PEAK1: variants seen among roughly 807,000 people sequenced by gnomAD.
PEAK1 encodes pseudopodium enriched atypical kinase 1, also known as inactive tyrosine-protein kinase PEAK1.
PEAK1 carries 54 observed loss-of-function variants against 124.7 expected under a neutral mutation model. The observed-to-expected ratio is 0.43, with a 90% CI of 0.35 to 0.54. The LOEUF is 0.54. Ranked by LOEUF, PEAK1 falls within the 20% of genes least tolerant of loss-of-function variation. The probability of loss-of-function intolerance (pLI) is 0.01; values close to 1 mark genes in which losing one functional copy is unlikely to be tolerated. For synonymous variants in PEAK1, 719 were observed against 760.0 expected (o/e 0.95, Z 0.89); for missense variants, 2,046 against 2,134.5 (o/e 0.96, Z 0.82).
At chr15:77,285,706 C>T (rs760683830) in intron 3 of PEAK1, among the ~76,000 whole-genome samples, 1 of 152,036 alleles carries the variant, frequency 6.6e-6, no homozygotes, top group African/African-American at 2.4e-5. Flanking sequence ...CATTTGATAT[C>T]CCCTATGTCA....
At chr15:77,283,492 C>T (rs891267038) in intron 5 of PEAK1, among the ~76,000 whole-genome samples, 2 of 151,942 alleles carry the variant, frequency 1.3e-5, no homozygotes, top group African/African-American at 4.8e-5. Context: ...CTCATACCCA[C>T]ATACTAGTTT....
chr15:77,256,883 C>G (rs537665756), intron 5 of PEAK1, among the ~76,000 whole-genome samples: 19 of 150,978 alleles, frequency 1.3e-4, no homozygotes, highest in African/African-American at 2.7e-4. Flanking sequence ...CACCTCCCCC[C>G]ACCCCACAAC....
chr15:77,264,934 C>A (rs1329188406), intron 5 of PEAK1, among the ~76,000 whole-genome samples: 2 of 152,024 alleles, frequency 1.3e-5, no homozygotes, highest in African/African-American at 2.4e-5. Flanking sequence ...AGAACAGAGC[C>A]CTCAGAAATA....
At chr15:77,212,027 T>C (rs1425852669) in intron 6 of PEAK1, among the ~76,000 whole-genome samples, 2 of 152,188 alleles carry the variant, frequency 1.3e-5, no homozygotes, top group African/African-American at 2.4e-5. Context: ...TCATACATTA[T>C]GTTTTCTTTA....
chr15:77,176,322 C>A (rs1206125907), intron 7 of PEAK1, among the ~76,000 whole-genome samples: 4 of 140,026 alleles, frequency 2.9e-5, no homozygotes, highest in East Asian at 4.2e-4. Flanking sequence ...TTACATTTTT[C>A]AAAAAAAAAA....
At chr15:77,326,830 A>T (rs2065607008) in intron 2 of PEAK1, among the ~76,000 whole-genome samples, 1 of 152,118 alleles carries the variant, frequency 6.6e-6, no homozygotes, top group Non-Finnish European at 1.5e-5. Context: ...ACTGGTGACA[A>T]AGAGCTCGTG....
At chr15:77,232,385 G>A (rs1436412290) in intron 6 of PEAK1, among the ~76,000 whole-genome samples, 1 of 152,004 alleles carries the variant, frequency 6.6e-6, no homozygotes, top group South Asian at 2.1e-4. Flanking sequence ...AATCTCAAAT[G>A]GGGATTTAAC....
intron 2 of PEAK1, among the ~76,000 whole-genome samples, chr15:77,329,992 A>C (rs969090499): frequency 2.6e-5 from 4 of 152,190 alleles, no homozygotes; most frequent in African/African-American, 9.7e-5. Context: ...CACAAGACAG[A>C]AGTGACTACC....
chr15:77,327,019 C>T (rs1274995776), intron 2 of PEAK1, among the ~76,000 whole-genome samples: 1 of 152,130 alleles, frequency 6.6e-6, no homozygotes, highest in African/African-American at 2.4e-5. Flanking sequence ...TTGACTATCA[C>T]TTAAAGCAAG....
At chr15:77,397,441 G>GA (rs1459367151) in intron 1 of PEAK1, among the ~76,000 whole-genome samples, 1 of 149,612 alleles carries the variant, frequency 6.7e-6, no homozygotes, top group African/African-American at 2.5e-5. Flanking sequence ...ATTAGTAGAA[G>GA]AAATAATAAA....
At chr15:77,266,255 T>TA (rs1008020929) in intron 5 of PEAK1, among the ~76,000 whole-genome samples, 9 of 150,194 alleles carry the variant, frequency 6.0e-5, no homozygotes, top group Admixed American at 2.0e-4. Flanking sequence ...AGTATAATAA[T>TA]AAAAAAAAAT....
At chr15:77,352,472 G>A in intron 2 of PEAK1, 1 of 985,330 alleles carries the variant, frequency 1.0e-6, no homozygotes, top group Non-Finnish European at 1.2e-6. Flanking sequence ...CTGTTGAGAG[G>A]AAATGGGGGC....
chr15:77,288,000 C>G (rs1156618163), intron 2 of PEAK1, among the ~76,000 whole-genome samples: 1 of 152,154 alleles, frequency 6.6e-6, no homozygotes. Context: ...ATGACCAAAT[C>G]AGTAACCTAA....
At chr15:77,367,692 CTTAAG>C (rs958506953) in intron 1 of PEAK1, among the ~76,000 whole-genome samples, 5 of 152,004 alleles carry the variant, frequency 3.3e-5, no homozygotes, top group Non-Finnish European at 7.4e-5. Context: ...TTCATTTTTC[CTTAAG>C]TTATGTACTT....
At chr15:77,123,636 T>C (rs759033839) in intron 9 of PEAK1, among the ~76,000 whole-genome samples, 14 of 152,158 alleles carry the variant, frequency 9.2e-5, no homozygotes, top group Admixed American at 2.0e-4. Flanking sequence ...TAGTCTACTA[T>C]GGATTTAGAT....
At chr15:77,150,685 C>A (rs2054543028) in intron 8 of PEAK1, among the ~76,000 whole-genome samples, 1 of 139,842 alleles carries the variant, frequency 7.2e-6, no homozygotes, top group Non-Finnish European at 1.5e-5. Context: ...ACAACATTCC[C>A]CGGAGTGTGA....
intron 5 of PEAK1, among the ~76,000 whole-genome samples, chr15:77,260,781 T>C (rs1480261004): frequency 6.6e-6 from 1 of 152,164 alleles, no homozygotes; most frequent in African/African-American, 2.4e-5. Context: ...GTAGTGGTTC[T>C]CCCAGCACGC....
chr15:77,387,810 C>T (rs2070080612), intron 1 of PEAK1, among the ~76,000 whole-genome samples: 1 of 151,910 alleles, frequency 6.6e-6, no homozygotes. Flanking sequence ...CTATATATTC[C>T]AAAGGAAGAA....
intron 5 of PEAK1, among the ~76,000 whole-genome samples, chr15:77,278,170 TA>T (rs965527073): frequency 3.2e-4 from 48 of 152,156 alleles, no homozygotes; most frequent in African/African-American, 1.1e-3. Context: ...AAAATTGCTC[TA>T]AAAAAATGAA....
Sources: gnomAD v4.1 joint callset for allele counts (sites outside exome capture counted in the v4.1 genomes callset) on GRCh38, gnomAD v4.1.1 for gene constraint, MANE v1.5 for transcripts, NCBI Gene and HGNC (gene_info 2026-07-23, HGNC 2026-07-21) for gene names.